Variants in PREX1 observed in about 807,000 individuals in gnomAD.
PREX1 encodes phosphatidylinositol 3,4,5-trisphosphate-dependent Rac exchanger 1 protein.
Under a neutral mutation model 198.3 loss-of-function variants are expected in PREX1, and 41 were observed. The ratio of observed to expected loss-of-function variants is 0.21; its 90% CI spans 0.16 to 0.27. PREX1 has a LOEUF of 0.27. Ranked by LOEUF, PREX1 falls within the 10% of genes least tolerant of loss-of-function variation. The pLI is 1.00. For synonymous variants in PREX1, 843 were observed against 887.2 expected, an observed-to-expected ratio of 0.95 and a Z score of 0.89; for missense variants, 1,620 against 2,200.7, an observed-to-expected ratio of 0.74 and a Z score of 5.28.
At chr20:48,811,260 C>A (rs868296328) in intron 1 of PREX1, among the ~76,000 whole-genome samples, 21 of 152,156 alleles carry the variant, frequency 1.4e-4, no homozygotes, top group Admixed American at 8.5e-4. Context: ...GGTGATCCAC[C>A]CACCTCAGCC....
rs116086532 is a variant in PREX1 at position 48,684,135 on chromosome 20, C to T, written c.1335-2800G>A. Among the ~76,000 whole-genome samples, 1,012 of 151,986 alleles carry T rather than the reference C, an allele frequency of 6.7e-3. 11 individuals carry two copies. Among genetic ancestry groups the T allele is most frequent in the African/African-American group, 0.023 (968 of 41,484 alleles). On this transcript the variant is annotated intron_variant, in intron 10 of 39. Coordinates refer to ENST00000371941, the MANE Select transcript of PREX1 (RefSeq NM_020820.4). This position sits in a 1 kb window ranked among gnomAD's most constrained non-coding sequence, Gnocchi z 4.2. ...TCAGCTTTCATCCCTCCTTCCTTCC[C>T]GCCTCCTAGAATCATTCACCCACTA...
At chr20:48,636,187 G>C (rs1383322770) in intron 32 of PREX1, among the ~76,000 whole-genome samples, 1 of 152,234 alleles carries the variant, frequency 6.6e-6, no homozygotes, top group Non-Finnish European at 1.5e-5. Context: ...CCTGGGCTGA[G>C]AGCCGCTGGT....
chr20:48,817,293 G>A (rs563159115), intron 1 of PREX1, among the ~76,000 whole-genome samples: 6 of 152,300 alleles, frequency 3.9e-5, no homozygotes, highest in African/African-American at 1.4e-4. Context: ...ACAGACCAAT[G>A]TCCAGGGCAA....
chr20:48,751,401 C>G (rs188574795), intron 1 of PREX1, among the ~76,000 whole-genome samples: 2 of 152,208 alleles, frequency 1.3e-5, no homozygotes, highest in South Asian at 4.1e-4. Flanking sequence ...TTTCTTCACA[C>G]GAGCTCTGCC....
At chr20:48,791,149 GCACACACA>G (rs11469380) in intron 1 of PREX1, among the ~76,000 whole-genome samples, 1 of 150,466 alleles carries the variant, frequency 6.6e-6, no homozygotes, top group African/African-American at 2.4e-5. Context: ...GCAGATTCAT[GCACACACA>G]CACACACACA....
chr20:48,627,623 A>G lies in PREX1; in HGVS notation c.4870-8T>C, dbSNP rs1220296459. The G allele has an allele frequency of 2.5e-6, 4 of 1,613,064 alleles. No homozygotes were observed. The highest frequency in any genetic ancestry group is 2.2e-5 in the South Asian group (2 of 91,042). ...AATCTCCACCCTTGGGCCCTGGAAG[A>G]AGGAACCATCAGGCAGGGGCCTCTG... is the stretch of plus-strand genomic sequence containing the variant. On this transcript the variant is annotated splice_region_variant and splice_polypyrimidine_tract_variant and intron_variant, in intron 38 of 39. Coordinates refer to ENST00000371941, the MANE Select transcript of PREX1 (RefSeq NM_020820.4).
chr20:48,657,424 G>A (rs1165429052), intron 17 of PREX1, among the ~76,000 whole-genome samples: 1 of 152,234 alleles, frequency 6.6e-6, no homozygotes, highest in Non-Finnish European at 1.5e-5. Flanking sequence ...TTCCTCCTGA[G>A]GGGAAACTCT....
chr20:48,773,886 G>A (rs2090248844), intron 1 of PREX1, among the ~76,000 whole-genome samples: 1 of 152,182 alleles, frequency 6.6e-6, no homozygotes, highest in South Asian at 2.1e-4. Flanking sequence ...AGGGAGCTCA[G>A]GAGGAGTCTC....
In PREX1 at chr20:48,650,160, G is replaced by T. The variant is rs747769384; in HGVS notation, c.2864C>A (p.Ala955Asp). 2 of 1,613,864 alleles carry T rather than the reference G, an allele frequency of 1.2e-6. No individual in the cohort carries two copies. The highest frequency in any genetic ancestry group is 1.7e-6 in the Non-Finnish European group (2 of 1,179,910). Residue 955 changes from alanine to aspartate, a missense_variant, in exon 24 of 40, where the codon GCC (alanine) becomes GAC (aspartate). This residue lies in a region of PREX1 where 514 missense variants were observed against 611.6 expected (regional missense o/e 0.84). Transcript: ENST00000371941. ...ACACAGCGGGTGGGGCTCCAGGGGGGCTTGTTTGAAGGGTGGGCTGACCCT... is the reference window on the plus strand; with the variant it reads ...ACACAGCGGGTGGGGCTCCAGGGGGTCTTGTTTGAAGGGTGGGCTGACCCT... ...KSRVSPPFKQ[A>D]PLEPHPLCGL...
chr20:48,825,999 C>T (rs557762104), intron 1 of PREX1, among the ~76,000 whole-genome samples: 7 of 152,080 alleles, frequency 4.6e-5, no homozygotes, highest in African/African-American at 1.7e-4. Flanking sequence ...CCCACATCCC[C>T]CTGCCCCCAG....
rs189313731 is a variant in PREX1 at position 48,727,104 on chromosome 20, C to T, written c.520-713G>A. Among the ~76,000 whole-genome samples, 236 of 152,250 alleles carry T rather than the reference C, an allele frequency of 1.6e-3. 2 individuals carry two copies. The highest frequency in any genetic ancestry group is 6.8e-3 in the Middle Eastern group (2 of 294). On this transcript the variant is annotated intron_variant, in intron 4 of 39. Transcript: ENST00000371941. ...GTATGAGGTCAAATATAAAGACATG[C>T]GTGTTAAAGGAATGCACCCAATTCC... is the stretch of plus-strand genomic sequence containing the variant.
At chr20:48,661,663 A>C (rs1162779357) in intron 15 of PREX1, among the ~76,000 whole-genome samples, 2 of 150,590 alleles carry the variant, frequency 1.3e-5, no homozygotes, top group African/African-American at 2.5e-5. Context: ...TTACAACTTA[A>C]CTGGGCACCT....
intron 20 of PREX1, 94 bp from the exon 21 acceptor site, chr20:48,652,800 C>A: frequency 7.2e-7 from 1 of 1,390,220 alleles, no homozygotes; most frequent in African/African-American, 1.4e-5. Context: ...GGTTCCAGAG[C>A]TCTGGAAACT....
chr20:48,790,469 A>G (rs895946277), intron 1 of PREX1, among the ~76,000 whole-genome samples: 4 of 152,118 alleles, frequency 2.6e-5, no homozygotes, highest in African/African-American at 9.7e-5. Flanking sequence ...TAATTTAAGA[A>G]GTTTAACAGG....
chr20:48,666,502 G>C lies in PREX1; in HGVS notation c.1666-147C>G. Reference sequence around the variant, plus strand: ...TTGTTTACTGCAGTAACCCCAAAACGGGTTTGTGATTATTATTTTTTATTA... The same window carrying C: ...TTGTTTACTGCAGTAACCCCAAAACCGGTTTGTGATTATTATTTTTTATTA... On this transcript the variant is annotated intron_variant, in intron 14 of 39. Coordinates refer to ENST00000371941, the MANE Select transcript of PREX1 (RefSeq NM_020820.4). This position sits in a 1 kb window ranked among gnomAD's most constrained non-coding sequence, Gnocchi z 4.3. 1.9e-6 allele frequency: 1 copy of C among 520,300 alleles called. No homozygotes were observed. The highest frequency in any genetic ancestry group is 3.6e-5 in the Admixed American group (1 of 28,044). The allele number at this position is 520,300 out of a possible 1,614,324, so 32.2% of individuals were successfully genotyped here.
chr20:48,685,749 T>C (rs1305306057), intron 10 of PREX1, among the ~76,000 whole-genome samples: 1 of 152,072 alleles, frequency 6.6e-6, no homozygotes, highest in African/African-American at 2.4e-5. Context: ...AAATTAGCTA[T>C]AGAAGCCTAG....
the PREX1 span, among the ~76,000 whole-genome samples, chr20:48,882,791 G>A: frequency 6.6e-6 from 1 of 151,862 alleles, no homozygotes; most frequent in Admixed American, 6.6e-5. Context: ...GTGTGGACTG[G>A]TATTTCATTG....
intron 1 of PREX1, among the ~76,000 whole-genome samples, chr20:48,778,073 T>C (rs1176068074): frequency 6.6e-6 from 1 of 152,068 alleles, no homozygotes; most frequent in East Asian, 1.9e-4. Context: ...TGTGACTGTG[T>C]TCCAATCAAA....
At chr20:48,661,479 A>T in intron 15 of PREX1, among the ~76,000 whole-genome samples, 1 of 128,742 alleles carries the variant, frequency 7.8e-6, no homozygotes, top group Non-Finnish European at 1.6e-5. Flanking sequence ...ACACACACAT[A>T]TATATAATAT....
Sources: gnomAD v4.1 joint callset for allele counts (sites outside exome capture counted in the v4.1 genomes callset) on GRCh38, gnomAD v4.1.1 for gene constraint, gnomAD v4.1.1 regional missense constraint, Gnocchi (gnomAD v3.1) non-coding constraint, MANE v1.5 for transcripts, NCBI Gene and HGNC (gene_info 2026-07-23, HGNC 2026-07-21) for gene names.